DCTN4: variants seen among roughly 807,000 people sequenced by gnomAD.
DCTN4 encodes the protein dynactin 4 (p62).
DCTN4 carries 23 observed loss-of-function variants against 62.7 expected under a neutral mutation model. The observed-to-expected ratio is 0.37, with a 90% CI of 0.26 to 0.52. The LOEUF is 0.52. Ranked by LOEUF, DCTN4 falls within the 20% of genes least tolerant of loss-of-function variation. The probability of loss-of-function intolerance (pLI) is 0.92; values close to 1 mark genes in which losing one functional copy is unlikely to be tolerated. For synonymous variants in DCTN4, 199 were observed against 202.1 expected (o/e 0.98, Z 0.13); for missense variants, 514 against 580.4 (o/e 0.89, Z 1.18).
chr5:150,721,696 A>G (rs1267869899), intron 9 of DCTN4, among the ~76,000 whole-genome samples: 1 of 151,918 alleles, frequency 6.6e-6, no homozygotes, highest in Non-Finnish European at 1.5e-5. Context: ...GCCTCCCTCT[A>G]TTTTTATCTT....
rs545477455 is a variant in DCTN4 at position 150,756,844 on chromosome 5, T to C, written c.136-357A>G. On this transcript the variant is annotated intron_variant, in intron 1 of 12. Coordinates refer to ENST00000447998, the MANE Select transcript of DCTN4 (RefSeq NM_016221.4). ...CATTGTGATAAAATATCCTCCTGTCTAGGCTAGCTTTATATGACTATAAAA... is the reference window on the plus strand; with the variant it reads ...CATTGTGATAAAATATCCTCCTGTCCAGGCTAGCTTTATATGACTATAAAA... Among the ~76,000 whole-genome samples the C allele has an allele frequency of 2.6e-5, 4 of 152,334 alleles. No individual in the cohort carries two copies. In the South Asian group the frequency reaches 8.3e-4, roughly 32 times the overall value.
chr5:150,747,231 A>G (rs1752484196), intron 3 of DCTN4, among the ~76,000 whole-genome samples: 1 of 152,232 alleles, frequency 6.6e-6, no homozygotes, highest in Non-Finnish European at 1.5e-5. Context: ...CCAACTTACA[A>G]GGGACGTGAA....
chr5:150,739,776 T>C (rs1031408557), intron 4 of DCTN4, among the ~76,000 whole-genome samples: 5 of 152,068 alleles, frequency 3.3e-5, no homozygotes, highest in African/African-American at 1.2e-4. Flanking sequence ...ATAAACCAAA[T>C]ACTTATAGCC....
At chr5:150,750,125 A>G (rs1752622288) in intron 3 of DCTN4, among the ~76,000 whole-genome samples, 1 of 152,132 alleles carries the variant, frequency 6.6e-6, no homozygotes, top group Non-Finnish European at 1.5e-5. Flanking sequence ...GGGGGACAGA[A>G]ATGTTGTGTA....
At chr5:150,753,981 T>C (rs974434574) in intron 2 of DCTN4, among the ~76,000 whole-genome samples, 8 of 152,218 alleles carry the variant, frequency 5.3e-5, no homozygotes, top group African/African-American at 1.9e-4. Context: ...TCACAGCTTA[T>C]GCCTTTAGAG....
rs1323282405 is a variant in DCTN4 at position 150,709,231 on chromosome 5, TTA to T, written c.*1916_*1917del. ...TAGTTTGGCTTCTGAAGAAAAAAGT[TTA>T]TGATCAAAGTGTTTTGTGTTTCTGT... On this transcript the variant is annotated 3_prime_UTR_variant, in exon 13 of 13. Transcript: ENST00000447998. The T allele has an allele frequency of 5.2e-5, 8 of 152,710 alleles. No individual in the cohort carries two copies. The highest frequency in any genetic ancestry group is 2.6e-4 in the Admixed American group (4 of 15,284). 9.5% of individuals were successfully genotyped at this position (152,710 alleles called of 1,614,324 possible). A position where few individuals can be genotyped will look rare whatever the true frequency, so the allele number is the denominator to read the frequency against.
intron 8 of DCTN4, among the ~76,000 whole-genome samples, chr5:150,727,556 C>T (rs1760192016): frequency 1.3e-5 from 2 of 151,842 alleles, no homozygotes; most frequent in Admixed American, 1.3e-4. Context: ...GCGGGCGGAT[C>T]ACGAGGTCAG....
intron 7 of DCTN4, 26 bp downstream of exon 7, chr5:150,731,018 C>CA: frequency 7.3e-7 from 1 of 1,378,578 alleles, no homozygotes; most frequent in Non-Finnish European, 1.0e-6. Context: ...AGACTAGAAA[C>CA]AAAGTAGAAA....
intron 3 of DCTN4, among the ~76,000 whole-genome samples, chr5:150,749,465 T>A (rs1051094048): frequency 6.6e-6 from 1 of 152,132 alleles, no homozygotes; most frequent in Non-Finnish European, 1.5e-5. Flanking sequence ...TGTCAAGGGA[T>A]TGGAACTCTC....
chr5:150,754,682 A>G (rs1296212054), intron 2 of DCTN4, among the ~76,000 whole-genome samples: 1 of 152,196 alleles, frequency 6.6e-6, no homozygotes, highest in Non-Finnish European at 1.5e-5. Context: ...AATATACAAG[A>G]TGAGGCTGGG....
chr5:150,710,139 A>G lies in DCTN4; in HGVS notation c.*1010T>C, dbSNP rs1328166173. 1 of 152,394 alleles carries G rather than the reference A, an allele frequency of 6.6e-6. No individual in the cohort carries two copies. The allele number at this position is 152,394 out of a possible 1,614,324, so 9.4% of individuals were successfully genotyped here. ...TATCCAGTTTTGGATTCAAGAGATT[A>G]TAATAGTTAATTTCCCCTTCAAATC... On this transcript the variant is annotated 3_prime_UTR_variant, in exon 13 of 13. Coordinates refer to ENST00000447998, the MANE Select transcript of DCTN4 (RefSeq NM_016221.4).
rs1759510050 is a variant in DCTN4 at position 150,710,245 on chromosome 5, A to C, written c.*904T>G. The C allele has an allele frequency of 6.6e-6, 1 of 152,294 alleles. No individual in the cohort carries two copies. The highest frequency in any genetic ancestry group is 2.1e-4 in the South Asian group (1 of 4,834). 9.4% of individuals were successfully genotyped at this position (152,294 alleles called of 1,614,324 possible). A position where few individuals can be genotyped will look rare whatever the true frequency, so the allele number is the denominator to read the frequency against. ...CTGCATTCCAGAAATGAACCTGTCC[A>C]CTCAGGTTTTCTTTGGGTTCTTTTC... On this transcript the variant is annotated 3_prime_UTR_variant, in exon 13 of 13. Transcript: ENST00000447998.
intron 3 of DCTN4, among the ~76,000 whole-genome samples, chr5:150,748,885 T>G (rs1169465917): frequency 6.7e-6 from 1 of 150,332 alleles, no homozygotes; most frequent in Non-Finnish European, 1.5e-5. Flanking sequence ...CATGTATACA[T>G]ATGTAACTAA....
intron 3 of DCTN4, among the ~76,000 whole-genome samples, chr5:150,751,575 CT>C (rs1320569848): frequency 1.3e-5 from 2 of 152,082 alleles, no homozygotes; most frequent in Admixed American, 6.6e-5. Context: ...TAACATTTAA[CT>C]TACTTTCTTT....
At chr5:150,745,648 C>T (rs1374517336) in intron 3 of DCTN4, among the ~76,000 whole-genome samples, 11 of 152,192 alleles carry the variant, frequency 7.2e-5, no homozygotes, top group African/African-American at 2.2e-4. Context: ...CACTCAAAAC[C>T]GTTCAACTAC....
At chr5:150,715,852 A>G (rs1759739010) in intron 11 of DCTN4, among the ~76,000 whole-genome samples, 190 bp from the exon 12 acceptor site, 2 of 152,200 alleles carry the variant, frequency 1.3e-5, no homozygotes, top group South Asian at 2.1e-4. Context: ...GGGGTCTGCA[A>G]TGAGGAACTG....
chr5:150,727,793 AAAAAC>A (rs1250385844), intron 8 of DCTN4, among the ~76,000 whole-genome samples: 6,568 of 142,154 alleles, frequency 0.046, 520 homozygotes, highest in African/African-American at 0.17. Flanking sequence ...AAAAAAAAAA[AAAAAC>A]AAAAAACCCA....
intron 3 of DCTN4, among the ~76,000 whole-genome samples, chr5:150,749,786 T>A (rs549067084): frequency 6.6e-6 from 1 of 152,220 alleles, no homozygotes; most frequent in Admixed American, 6.5e-5. Context: ...CAAAGAGTTA[T>A]AGGCAAATGT....
intron 3 of DCTN4, among the ~76,000 whole-genome samples, chr5:150,747,931 T>C (rs1242399516): frequency 7.0e-6 from 1 of 142,458 alleles, no homozygotes; most frequent in East Asian, 2.0e-4. Context: ...AAAGCCAAAA[T>C]TGACAAATGG....
Sources: gnomAD v4.1 joint callset for allele counts (sites outside exome capture counted in the v4.1 genomes callset) on GRCh38, gnomAD v4.1.1 for gene constraint, MANE v1.5 for transcripts, NCBI Gene and HGNC (gene_info 2026-07-23, HGNC 2026-07-21) for gene names.